Variants in COL4A2 observed in about 807,000 individuals in gnomAD.
COL4A2 encodes the protein collagen type IV alpha 2 chain, also known as collagen alpha-2(IV) chain.
Under a neutral mutation model 200.2 loss-of-function variants are expected in COL4A2, and 99 were observed. The observed-to-expected ratio is 0.49, with a 90% CI of 0.42 to 0.58. The LOEUF is 0.58. Ranked by LOEUF, COL4A2 falls within the 20% of genes least tolerant of loss-of-function variation. The probability of loss-of-function intolerance (pLI) is 0.00; values close to 1 mark genes in which losing one functional copy is unlikely to be tolerated. For missense variants in COL4A2, 1,950 were observed against 2,314.1 expected (o/e 0.84, Z 3.23); for synonymous variants, 897 against 900.6 (o/e 1.00, Z 0.07).
intron 4 of COL4A2, among the ~76,000 whole-genome samples, chr13:110,358,859 T>C (rs1411638872): frequency 6.6e-6 from 1 of 152,234 alleles, no homozygotes; most frequent in Non-Finnish European, 1.5e-5. Context: ...TATACCACTT[T>C]CCTACAAAAT....
At chr13:110,441,924 AC>A (rs1881139556) in intron 16 of COL4A2, among the ~76,000 whole-genome samples, 1 of 149,912 alleles carries the variant, frequency 6.7e-6, no homozygotes, top group Non-Finnish European at 1.5e-5. Context: ...TACTAAAAAT[AC>A]AAAAAAAAAA....
chr13:110,366,112 C>T (rs1013044885), intron 4 of COL4A2, among the ~76,000 whole-genome samples: 16 of 152,192 alleles, frequency 1.1e-4, no homozygotes, highest in Non-Finnish European at 2.2e-4. Flanking sequence ...GAAGCATTTC[C>T]CCCTCTCTGC....
rs2139462565 is a variant in COL4A2 at position 110,434,445 on chromosome 13, A to G, written c.726+3A>G. On this transcript the variant is annotated splice_donor_region_variant and intron_variant, in intron 12 of 47. Coordinates refer to ENST00000360467, the MANE Select transcript of COL4A2 (RefSeq NM_001846.4). ...TCTACGGAGTTAAGGGTGAAAAGGTAAAGGAAGCCTGGTCAATTCCAGCAG... is the reference window on the plus strand; with the variant it reads ...TCTACGGAGTTAAGGGTGAAAAGGTGAAGGAAGCCTGGTCAATTCCAGCAG... 2 of 1,613,742 alleles carry G rather than the reference A, an allele frequency of 1.2e-6. No individual in the cohort carries two copies. Among genetic ancestry groups the G allele is most frequent in the East Asian group, 2.2e-5 (1 of 44,880 alleles).
rs371360619 is a variant in COL4A2, at chr13:110,428,886, C to A, written c.477+303C>A. 5.9e-4 allele frequency: 168 copies of A among 282,946 alleles called. 1 individual carries two copies. The Middle Eastern group carries it at 0.011, about 18-fold the overall frequency. 17.5% of individuals were successfully genotyped at this position (282,946 alleles called of 1,614,324 possible). On this transcript the variant is annotated intron_variant, in intron 7 of 47. Transcript: ENST00000360467. ...GTAAACGCAAATTAAAAAGCTGAAACCTTGACAAAATTCTGTCCATCACCA... is the reference window on the plus strand; with the variant it reads ...GTAAACGCAAATTAAAAAGCTGAAAACTTGACAAAATTCTGTCCATCACCA...
At chr13:110,466,342 T>C (rs1458376620) in intron 26 of COL4A2, among the ~76,000 whole-genome samples, 1 of 152,176 alleles carries the variant, frequency 6.6e-6, no homozygotes, top group Non-Finnish European at 1.5e-5. Context: ...GCACGTGTGC[T>C]GCCAGGAGGG....
chr13:110,412,676 G>A (rs1237330671), intron 4 of COL4A2, among the ~76,000 whole-genome samples: 1 of 152,150 alleles, frequency 6.6e-6, no homozygotes, highest in African/African-American at 2.4e-5. Flanking sequence ...GCCCTGAATT[G>A]CTTACGCAGG....
Position 110,485,702 on chromosome 13 carries a change from C to T in COL4A2, c.3073C>T (p.Leu1025=). The change falls in exon 34 of 48, where the codon CTG becomes TTG. Residue 1025 remains leucine, a synonymous_variant. Coordinates refer to ENST00000360467, the MANE Select transcript of COL4A2 (RefSeq NM_001846.4). The part of the protein sequence containing the change: ...GIPGLSGIPG[L]PGRPGHIKGV... ...CCCAGGGCTGTCAGGAATCCCTGGG[C>T]TGCCTGGGAGGCCCGGCCACATCAA... 1 of 1,613,214 alleles carries T rather than the reference C, an allele frequency of 6.2e-7. No homozygotes were observed. Among genetic ancestry groups the T allele is most frequent in the Non-Finnish European group, 8.5e-7 (1 of 1,179,570 alleles).
chr13:110,427,997 C>T, intron 6 of COL4A2, among the ~76,000 whole-genome samples: 1 of 152,146 alleles, frequency 6.6e-6, no homozygotes, highest in South Asian at 2.1e-4. Flanking sequence ...CTGATAAGGA[C>T]CTCCCTGTTT....
chr13:110,323,808 G>A (rs1885339295), intron 3 of COL4A2, among the ~76,000 whole-genome samples: 1 of 152,222 alleles, frequency 6.6e-6, no homozygotes, highest in South Asian at 2.1e-4. Flanking sequence ...GACAGAGCTG[G>A]TGGGAGGAAA....
chr13:110,511,787 C>A lies in COL4A2; in HGVS notation c.4882-147C>A, dbSNP rs901669300. 17 of 1,306,354 alleles carry A rather than the reference C, an allele frequency of 1.3e-5. No homozygotes were observed. In the South Asian group the frequency reaches 1.7e-4, roughly 13 times the overall value. The allele number at this position is 1,306,354 out of a possible 1,614,324, so 80.9% of individuals were successfully genotyped here. On this transcript the variant is annotated intron_variant, in intron 47 of 47. Transcript: ENST00000360467. ...TTCACCAGCCCCCTCTTGCTGAAGG[C>A]GCATTCGCGAGGATGCCTCATGTCC...
Position 110,491,291 on chromosome 13 carries a change from A to G in COL4A2, c.3405A>G (p.Ile1135Met), listed in dbSNP as rs777154642. Reference sequence around the variant, plus strand: ...AAGGTGACATCGGCTTCCCTGGGATAACAGGCGTGACTGGAGTCCAAGGCC... The same window carrying G: ...AAGGTGACATCGGCTTCCCTGGGATGACAGGCGTGACTGGAGTCCAAGGCC... ...GTEGDIGFPG[I>M]TGVTGVQGPP... is the part of the protein sequence containing the mutation. The change falls in exon 37 of 48, where the codon ATA becomes ATG. Residue 1135 changes from isoleucine (I) to methionine (M), a missense_variant. Transcript: ENST00000360467. 4 of 1,599,924 alleles carry G rather than the reference A, an allele frequency of 2.5e-6. No individual in the cohort carries two copies. In the South Asian group the frequency reaches 4.5e-5, roughly 18 times the overall value.
intron 4 of COL4A2, among the ~76,000 whole-genome samples, chr13:110,392,085 A>G (rs1016617627): frequency 1.3e-5 from 2 of 152,204 alleles, no homozygotes; most frequent in African/African-American, 4.8e-5. Context: ...GCAGGAGGTG[A>G]AGAACTTCAA....
intron 24 of COL4A2, 175 bp downstream of exon 24, chr13:110,462,559 C>T (rs757092411): frequency 6.7e-5 from 40 of 593,288 alleles, no homozygotes; most frequent in African/African-American, 6.1e-4. Context: ...TTTTAGGAAA[C>T]GGTGAATTAA....
chr13:110,506,400 T>C lies in COL4A2; in HGVS notation c.4403-15T>C, dbSNP rs778364322. 1 of 1,601,832 alleles carries C rather than the reference T, an allele frequency of 6.2e-7. No individual in the cohort carries two copies. Among genetic ancestry groups the C allele is most frequent in the Non-Finnish European group, 8.5e-7 (1 of 1,174,854 alleles). ...TGCACCAGGCCGTCCACTCTCTCTC[T>C]TTCTCGGGCTGCAGGTGCACCAGGC... On this transcript the variant is annotated splice_polypyrimidine_tract_variant and intron_variant, in intron 45 of 47. Transcript: ENST00000360467.
At chr13:110,481,609 GTT>G (rs1882921271) in intron 31 of COL4A2, among the ~76,000 whole-genome samples, 1 of 131,166 alleles carries the variant, frequency 7.6e-6, no homozygotes, top group Admixed American at 7.4e-5. Flanking sequence ...GAGACACACT[GTT>G]CTGTCCCTCC....
intron 4 of COL4A2, among the ~76,000 whole-genome samples, chr13:110,401,765 G>A (rs1281747043): frequency 6.6e-6 from 1 of 152,116 alleles, no homozygotes; most frequent in Non-Finnish European, 1.5e-5. Context: ...ATTTATAAAT[G>A]ACAGAAATTT....
chr13:110,507,476 G>A (rs548944355), intron 46 of COL4A2: 89 of 173,518 alleles, frequency 5.1e-4, no homozygotes, highest in Middle Eastern at 5.7e-3. Flanking sequence ...ATTCGTTGTG[G>A]CCAGGAGATA....
chr13:110,349,887 G>A (rs112426420), intron 3 of COL4A2, among the ~76,000 whole-genome samples: 56 of 152,044 alleles, frequency 3.7e-4, no homozygotes, highest in African/African-American at 1.2e-3. Flanking sequence ...TCTCAACCTC[G>A]TGAGTAGTTG....
chr13:110,489,608 A>C (rs1883217199), intron 35 of COL4A2, 100 bp downstream of exon 35: 1 of 1,593,866 alleles, frequency 6.3e-7, no homozygotes, highest in African/African-American at 1.3e-5. Context: ...AGGTATTTTA[A>C]AACAAATTAT....
Sources: allele counts gnomAD v4.1 joint callset (sites outside exome capture counted in the v4.1 genomes callset), GRCh38; gene constraint gnomAD v4.1.1; transcripts MANE v1.5; gene names NCBI Gene and HGNC (gene_info 2026-07-23, HGNC 2026-07-21).